The following SUGCT variants were observed in gnomAD, a reference collection of about 807,000 sequenced individuals.
SUGCT encodes succinyl-CoA:glutarate-CoA transferase.
SUGCT carries 41 observed loss-of-function variants against 55.0 expected under a neutral mutation model. The observed-to-expected ratio is 0.74, with a 90% CI of 0.58 to 0.97. SUGCT has a LOEUF of 0.97. Among genes scored for constraint, SUGCT ranks in the 50% least tolerant of loss-of-function variants. SUGCT has a pLI of 0.00. For missense variants in SUGCT, 568 were observed against 547.8 expected (o/e 1.04, Z -0.37); for synonymous variants, 187 against 200.4 (o/e 0.93, Z 0.56).
At chr7:40,795,334 A>G (rs1336876496) in intron 13 of SUGCT, among the ~76,000 whole-genome samples, 1 of 152,180 alleles carries the variant, frequency 6.6e-6, no homozygotes, top group Non-Finnish European at 1.5e-5. Flanking sequence ...CATTTTGTAA[A>G]TAGCTACTTG....
At chr7:40,992,582 G>T in the SUGCT span, among the ~76,000 whole-genome samples, 2 of 151,972 alleles carry the variant, frequency 1.3e-5, no homozygotes, top group South Asian at 2.1e-4. Context: ...TCCCTCTTGT[G>T]GGTCTATAGG....
intron 9 of SUGCT, among the ~76,000 whole-genome samples, chr7:40,439,176 C>T (rs1788364203): frequency 6.8e-6 from 1 of 146,480 alleles, no homozygotes; most frequent in South Asian, 2.2e-4. Flanking sequence ...GTACTTCACA[C>T]TGTGGATCTC....
chr7:40,578,016 C>G (rs1796863770), intron 12 of SUGCT, among the ~76,000 whole-genome samples: 1 of 152,110 alleles, frequency 6.6e-6, no homozygotes, highest in South Asian at 2.1e-4. Context: ...AACCATTGCC[C>G]CCTTCTCTGT....
chr7:40,825,647 C>G (rs2128771314), intron 13 of SUGCT, among the ~76,000 whole-genome samples: 1 of 152,252 alleles, frequency 6.6e-6, no homozygotes, highest in East Asian at 1.9e-4. Context: ...GAAGAAGATG[C>G]TTTCTCCCAG....
At chr7:40,293,118 T>A (rs1244220890) in intron 8 of SUGCT, among the ~76,000 whole-genome samples, 6 of 152,174 alleles carry the variant, frequency 3.9e-5, no homozygotes, top group African/African-American at 1.4e-4. Flanking sequence ...TTGTATGTAG[T>A]CATATTTGGT....
chr7:40,966,374 T>C, the SUGCT span: 43,634 of 152,176 alleles, frequency 0.29, 7,870 homozygotes, highest in Admixed American at 0.42. Flanking sequence ...TGAGTGATCA[T>C]ATAATAGCAA....
the SUGCT span, chr7:40,964,704 A>C: frequency 6.6e-6 from 1 of 152,312 alleles, no homozygotes; most frequent in South Asian, 2.1e-4. Context: ...TTCTTTATTG[A>C]TATGCTGGGA....
At chr7:40,244,827 G>A (rs1328708690) in intron 7 of SUGCT, among the ~76,000 whole-genome samples, 1 of 152,012 alleles carries the variant, frequency 6.6e-6, no homozygotes, top group African/African-American at 2.4e-5. Context: ...AACCAGGACA[G>A]TTTTGAGAGA....
the SUGCT span, among the ~76,000 whole-genome samples, chr7:40,921,148 T>A: frequency 1.3e-5 from 2 of 152,200 alleles, no homozygotes; most frequent in South Asian, 4.1e-4. Flanking sequence ...TTAGTATAAA[T>A]CAAAAATATT....
At chr7:40,611,482 G>T (rs1345355902) in intron 12 of SUGCT, among the ~76,000 whole-genome samples, 1 of 152,098 alleles carries the variant, frequency 6.6e-6, no homozygotes, top group Non-Finnish European at 1.5e-5. Flanking sequence ...CAGGAAATAG[G>T]GTTACTGGAT....
intron 5 of SUGCT, among the ~76,000 whole-genome samples, chr7:40,193,856 C>T (rs976056953): frequency 1.3e-4 from 20 of 152,114 alleles, no homozygotes; most frequent in Non-Finnish European, 2.5e-4. Context: ...CCCCCTCGGC[C>T]TCCCAAAGTG....
intron 12 of SUGCT, among the ~76,000 whole-genome samples, chr7:40,533,713 A>G (rs1794209915): frequency 1.3e-5 from 2 of 152,158 alleles, no homozygotes; most frequent in African/African-American, 4.8e-5. Context: ...TCCATCACTT[A>G]TATGTTCTAT....
At chr7:40,326,037 A>G (rs1251503332) in intron 9 of SUGCT, among the ~76,000 whole-genome samples, 2 of 151,892 alleles carry the variant, frequency 1.3e-5, no homozygotes, top group African/African-American at 2.4e-5. Flanking sequence ...GTATCTTTGA[A>G]TTATGAGCTG....
At chr7:40,908,904 A>G in the SUGCT span, among the ~76,000 whole-genome samples, 8 of 152,196 alleles carry the variant, frequency 5.3e-5, no homozygotes, top group South Asian at 2.1e-4. Context: ...GCTTTTCTGT[A>G]TGTATATTTA....
intron 13 of SUGCT, among the ~76,000 whole-genome samples, chr7:40,765,902 C>T (rs909523219): frequency 4.7e-4 from 72 of 152,140 alleles, no homozygotes; most frequent in African/African-American, 1.7e-3. Flanking sequence ...CAAGCATCAC[C>T]CTCTAAGTTT....
At chr7:40,960,196 G>A in the SUGCT span, among the ~76,000 whole-genome samples, 1 of 151,972 alleles carries the variant, frequency 6.6e-6, no homozygotes, top group Admixed American at 6.6e-5. Context: ...ATAGATTTTG[G>A]GCCCTTTGTG....
chr7:40,854,398 TCTTTCTTTCTTTCTTTCTTTC>T (rs747622381), intron 13 of SUGCT, among the ~76,000 whole-genome samples: 1,734 of 106,484 alleles, frequency 0.016, 34 homozygotes, highest in East Asian at 0.11. Flanking sequence ...AAAATTTTTT[TCTTTCTTTCTTTCTTTCTTTC>T]CTTTCTTTCT....
intron 12 of SUGCT, among the ~76,000 whole-genome samples, chr7:40,633,833 T>C (rs1052021395): frequency 1.3e-5 from 2 of 152,222 alleles, no homozygotes; most frequent in Non-Finnish European, 2.9e-5. Context: ...TAGCACTGAA[T>C]CAAATATTTA....
intron 12 of SUGCT, among the ~76,000 whole-genome samples, chr7:40,693,480 A>G (rs1784783124): frequency 6.6e-6 from 1 of 152,204 alleles, no homozygotes; most frequent in African/African-American, 2.4e-5. Flanking sequence ...TTAACAGATG[A>G]AGAAGCTGAG....
Sources: gnomAD v4.1 joint callset for allele counts (sites outside exome capture counted in the v4.1 genomes callset) on GRCh38, gnomAD v4.1.1 for gene constraint, MANE v1.5 for transcripts, NCBI Gene and HGNC (gene_info 2026-07-23, HGNC 2026-07-21) for gene names.